Variants in KIF26B observed in about 807,000 individuals in gnomAD.
The protein encoded by KIF26B is kinesin family member 26B.
KIF26B carries 63 observed loss-of-function variants against 151.2 expected under a neutral mutation model. The ratio of observed to expected loss-of-function variants is 0.42; its 90% confidence interval spans 0.34 to 0.51. KIF26B has a LOEUF of 0.51. Ranked by LOEUF, KIF26B falls within the 20% of genes least tolerant of loss-of-function variation. The pLI is 0.07. For synonymous variants in KIF26B, 1,357 were observed against 1,262.1 expected, an observed-to-expected ratio of 1.08 and a Z score of -1.59; for missense variants, 2,813 against 2,913.6, an observed-to-expected ratio of 0.97 and a Z score of 0.79.
intron 4 of KIF26B, among the ~76,000 whole-genome samples, chr1:245,420,794 T>C (rs78989275): frequency 0.015 from 2,210 of 152,332 alleles, 51 homozygotes; most frequent in African/African-American, 0.049. Context: ...TAAGAAGGAA[T>C]ATTGTGTGGC....
chr1:245,480,002 A>G (rs561665567), intron 4 of KIF26B, among the ~76,000 whole-genome samples: 1 of 151,930 alleles, frequency 6.6e-6, no homozygotes, highest in East Asian at 1.9e-4. Flanking sequence ...AGTGGCTCAC[A>G]CTTATAATCC....
In KIF26B at chr1:245,572,478, C is replaced by T. The variant is rs981632065; in HGVS notation, c.1351-30099C>T. ...TTGTTCTCCAGCCCATTTTCAGGCA[C>T]GGTATCCTGCGCTGCTAGCACCGTA... On this transcript the variant is annotated intron_variant, in intron 5 of 14. Coordinates refer to ENST00000407071, the MANE Select transcript of KIF26B (RefSeq NM_018012.4). This position sits in a 1 kb window ranked among gnomAD's most constrained non-coding sequence, Gnocchi z 4.2. 3.3e-5 allele frequency among the ~76,000 whole-genome samples: 5 copies of T among 152,070 alleles called. No individual in the cohort carries two copies. Among genetic ancestry groups the T allele is most frequent in the Non-Finnish European group, 5.9e-5 (4 of 68,020 alleles).
chr1:245,212,506 A>C (rs1669558979), intron 2 of KIF26B, among the ~76,000 whole-genome samples: 1 of 152,230 alleles, frequency 6.6e-6, no homozygotes, highest in Admixed American at 6.5e-5. Flanking sequence ...CGGGCAGTTA[A>C]GGGTGAAAAG....
chr1:245,649,979 G>T (rs527763121), intron 10 of KIF26B, among the ~76,000 whole-genome samples: 1 of 152,194 alleles, frequency 6.6e-6, no homozygotes, highest in Non-Finnish European at 1.5e-5. Context: ...TGCAGGAGGC[G>T]TGGAGCAGGT....
At chr1:245,692,523 G>A (rs755399360) in intron 12 of KIF26B, among the ~76,000 whole-genome samples, 17 of 152,058 alleles carry the variant, frequency 1.1e-4, no homozygotes, top group South Asian at 4.1e-4. Flanking sequence ...AACTCCCAGC[G>A]GCAAGAGCCT....
chr1:245,414,139 C>T (rs1034589213), intron 3 of KIF26B, among the ~76,000 whole-genome samples: 2 of 152,236 alleles, frequency 1.3e-5, no homozygotes, highest in African/African-American at 4.8e-5. Context: ...CTCATCCCCA[C>T]ACCCAGTGGA....
At chr1:245,651,422 C>G (rs2044014234) in intron 10 of KIF26B, among the ~76,000 whole-genome samples, 2 of 152,200 alleles carry the variant, frequency 1.3e-5, no homozygotes, top group South Asian at 4.1e-4. Context: ...GGACGAGCCT[C>G]TGAAGGATGT....
chr1:245,251,568 A>G (rs1441544806), intron 2 of KIF26B, among the ~76,000 whole-genome samples: 1 of 152,128 alleles, frequency 6.6e-6, no homozygotes, highest in East Asian at 1.9e-4. Context: ...TTTGTATTTA[A>G]GACTGTAACC....
chr1:245,195,332 T>C (rs1669171966), intron 2 of KIF26B, among the ~76,000 whole-genome samples: 1 of 152,200 alleles, frequency 6.6e-6, no homozygotes, highest in Non-Finnish European at 1.5e-5. Context: ...CTTTCTGAGA[T>C]GGGAATAACA....
chr1:245,160,280 G>A (rs1490562136), intron 2 of KIF26B, among the ~76,000 whole-genome samples: 1 of 152,234 alleles, frequency 6.6e-6, no homozygotes, highest in African/African-American at 2.4e-5. Context: ...TGGTGCCGGT[G>A]AGTGGAAGTG....
intron 2 of KIF26B, among the ~76,000 whole-genome samples, chr1:245,186,205 G>A (rs1388296839): frequency 6.6e-6 from 1 of 151,490 alleles, no homozygotes; most frequent in Non-Finnish European, 1.5e-5. Context: ...CTTCTCCCAC[G>A]TGCGCTAATT....
Position 245,204,936 on chromosome 1 carries a change from A to G in KIF26B, c.465+48253A>G, listed in dbSNP as rs560644241. Among the ~76,000 whole-genome samples, 14 of 151,842 alleles carry G rather than the reference A, an allele frequency of 9.2e-5. No homozygotes were observed. In the East Asian group the frequency reaches 2.5e-3, roughly 28 times the overall value. On this transcript the variant is annotated intron_variant, in intron 2 of 14. Coordinates refer to ENST00000407071, the MANE Select transcript of KIF26B (RefSeq NM_018012.4). ...GCTGGGACCTCAGATGCACACCACC[A>G]TTCCTGGCTAATTTTTAACAATTTC...
intron 2 of KIF26B, among the ~76,000 whole-genome samples, chr1:245,190,353 C>G (rs1669078243): frequency 6.6e-6 from 1 of 152,112 alleles, no homozygotes; most frequent in South Asian, 2.1e-4. Flanking sequence ...TAGGTCTTAT[C>G]AGAACTAAGC....
At position 245,513,212 on chromosome 1, in the gene KIF26B, C is replaced by G. The variant is rs1024657298; in HGVS notation, c.1167-27555C>G. 1.8e-3 allele frequency among the ~76,000 whole-genome samples: 280 copies of G among 151,490 alleles called. 1 individual carries two copies. The highest frequency in any genetic ancestry group is 5.8e-3 in the African/African-American group (240 of 41,240). On this transcript the variant is annotated intron_variant, in intron 4 of 14. Transcript: ENST00000407071. ...TGGTGGACAGCTCCAACCTGCACCCCCCCCCAACCCCGCCGCCCCCTCTAG... is the reference window on the plus strand; with the variant it reads ...TGGTGGACAGCTCCAACCTGCACCCGCCCCCAACCCCGCCGCCCCCTCTAG...
At chr1:245,384,485 G>T (rs1309400568) in intron 3 of KIF26B, among the ~76,000 whole-genome samples, 2 of 152,182 alleles carry the variant, frequency 1.3e-5, no homozygotes, top group Non-Finnish European at 2.9e-5. Context: ...ACTGTGGTGT[G>T]ATGACAGCTC....
chr1:245,156,547 C>T lies in KIF26B; in HGVS notation c.329C>T (p.Ser110Phe), dbSNP rs957590336. 2 of 1,535,430 alleles carry T rather than the reference C, an allele frequency of 1.3e-6. No homozygotes were observed. Among genetic ancestry groups the T allele is most frequent in the African/African-American group, 1.4e-5 (1 of 71,846 alleles). Residue 110 changes from serine (S) to phenylalanine (F), a missense_variant, in exon 2 of 15, where the codon TCC becomes TTC. Ser to Phe is a radical substitution (Grantham distance 155). This residue lies in a region of KIF26B where 676 missense variants were observed against 688.1 expected (regional missense o/e 0.98). Transcript: ENST00000407071. ...GGCTCTCCGGGCTTCGGCACAGGCT[C>T]CCCGGGCTCCGGCAGCGGCGGCGGC... ...LGGSPGFGTGSPGSGSGGGSS... is the reference protein window; with the variant it reads ...LGGSPGFGTGFPGSGSGGGSS...
rs372844982 is a variant in KIF26B, at chr1:245,609,405, C to T, written c.1791C>T (p.Ala597=). 1.2e-5 allele frequency: 20 copies of T among 1,609,144 alleles called. No individual in the cohort carries two copies. The highest frequency in any genetic ancestry group is 1.1e-4 in the East Asian group (5 of 44,744). The change falls in exon 8 of 15, where the codon GCC becomes GCT. Residue 597 remains alanine (A), a synonymous_variant. Coordinates refer to ENST00000407071, the MANE Select transcript of KIF26B (RefSeq NM_018012.4). The part of the protein sequence containing the change: ...TGARFSVRVS[A]VEVWGKEENL... ...CCCGTTTCTCAGTCCGGGTTTCCGC[C>T]GTGGAAGTGTGGGGGAAGGAGGAGA...
rs62636738 is a variant in KIF26B at position 245,661,961 on chromosome 1, C to CAT, written c.2258+15693_2258+15694dup. On this transcript the variant is annotated intron_variant, in intron 10 of 14. Coordinates refer to ENST00000407071, the MANE Select transcript of KIF26B (RefSeq NM_018012.4). ...CAATGATGTATACATACACACACCC[C>CAT]ATATATATATATACTCAATGACATA... Among the ~76,000 whole-genome samples, 9 of 40,028 alleles carry CAT rather than the reference C, an allele frequency of 2.2e-4. 3 individuals carry two copies. The highest frequency in any genetic ancestry group is 5.2e-4 in the Admixed American group (2 of 3,832). 26.3% of individuals were successfully genotyped at this position (40,028 alleles called of 152,430 possible). A position where few individuals can be genotyped will look rare whatever the true frequency, so the allele number is the denominator to read the frequency against.
intron 5 of KIF26B, among the ~76,000 whole-genome samples, chr1:245,574,513 G>A (rs921694945): frequency 6.6e-6 from 1 of 152,226 alleles, no homozygotes; most frequent in Non-Finnish European, 1.5e-5. Flanking sequence ...CTGAGAGCAG[G>A]AAGGTGTGGC....
Sources: gnomAD v4.1 joint callset for allele counts (sites outside exome capture counted in the v4.1 genomes callset) on GRCh38, gnomAD v4.1.1 for gene constraint, gnomAD v4.1.1 regional missense constraint, Gnocchi (gnomAD v3.1) non-coding constraint, MANE v1.5 for transcripts, NCBI Gene and HGNC (gene_info 2026-07-23, HGNC 2026-07-21) for gene names.